The following TOP2A variants were observed in gnomAD, a reference collection of about 807,000 sequenced individuals.
The protein encoded by TOP2A is DNA topoisomerase 2-alpha.
TOP2A carries 68 observed loss-of-function variants against 187.2 expected under a neutral mutation model. That is an observed-to-expected ratio of 0.36 (90% CI 0.30 to 0.44). The LOEUF is 0.44. Ranked by LOEUF, TOP2A falls within the 20% of genes least tolerant of loss-of-function variation. The pLI, the probability that TOP2A is intolerant of heterozygous loss-of-function variation, is 1.00. For missense variants in TOP2A, 1,196 were observed against 1,808.7 expected (o/e 0.66, Z 6.14); for synonymous variants, 542 against 593.2 (o/e 0.91, Z 1.25).
Position 40,391,655 on chromosome 17 carries a change from G to A in TOP2A, c.4133-15C>T. 1 of 1,561,660 alleles carries A rather than the reference G, an allele frequency of 6.4e-7. No individual in the cohort carries two copies. The highest frequency in any genetic ancestry group is 8.6e-7 in the Non-Finnish European group (1 of 1,158,134). On this transcript the variant is annotated splice_polypyrimidine_tract_variant and intron_variant, in intron 32 of 34. Transcript: ENST00000423485. ...AGCTTCAAGGTCTATTATTTCAAAT[G>A]GAAAGGAAAATAGTACATTTAAGCA... is the stretch of plus-strand genomic sequence containing the variant.
At position 40,416,875 on chromosome 17, in the gene TOP2A, T is replaced by C. The variant is rs199750557; in HGVS notation, c.42A>G (p.Gln14=). The change falls in exon 2 of 35, where the codon CAA becomes CAG. Residue 14 remains glutamine, a synonymous_variant. Transcript: ENST00000423485. ...SPLQPVNENM[Q]VNKIKKNEDA... is the part of the protein sequence containing the mutation. ...CTTCATTTTTCTTTATTTTGTTGAC[T>C]TGCATATTTTCATTTACAGGCTAGC... 29 of 1,600,904 alleles carry C rather than the reference T, an allele frequency of 1.8e-5. No homozygotes were observed. The African/African-American group carries it at 3.5e-4, about 19-fold the overall frequency.
chr17:40,413,379 A>G, intron 5 of TOP2A, 87 bp from the exon 6 acceptor site: 1 of 1,387,812 alleles, frequency 7.2e-7, no homozygotes, highest in South Asian at 1.4e-5. Flanking sequence ...CTATTCAATT[A>G]TAGAGATTTA....
intron 28 of TOP2A, among the ~76,000 whole-genome samples, chr17:40,395,985 CTT>C (rs59214602): frequency 2.9e-4 from 42 of 142,546 alleles, no homozygotes; most frequent in African/African-American, 2.4e-4. Context: ...AGTATTACCT[CTT>C]TTTTTTTTTT....
At chr17:40,394,912 C>T (rs1218544844) in intron 29 of TOP2A, among the ~76,000 whole-genome samples, 2 of 152,098 alleles carry the variant, frequency 1.3e-5, no homozygotes, top group East Asian at 3.8e-4. Flanking sequence ...TTTCTTAGAT[C>T]CCAATTAAGG....
rs375734527 is a variant in TOP2A at position 40,415,988 on chromosome 17, C to T, written c.332+17G>A. 1.7e-5 allele frequency: 26 copies of T among 1,559,584 alleles called. No individual in the cohort carries two copies. Among genetic ancestry groups the T allele is most frequent in the Non-Finnish European group, 1.7e-6 (2 of 1,145,344 alleles). On this transcript the variant is annotated intron_variant, in intron 4 of 34. Transcript: ENST00000423485. ...ATAGCAACGAGCTACATAACAAAAA[C>T]TAAGCAAAAGACGTACGGATCAATT...
chr17:40,404,136 T>C lies in TOP2A; in HGVS notation c.2283+16A>G, dbSNP rs145305424. The C allele has an allele frequency of 1.2e-6, 2 of 1,610,532 alleles. No homozygotes were observed. Among genetic ancestry groups the C allele is most frequent in the African/African-American group, 1.3e-5 (1 of 74,862 alleles). On this transcript the variant is annotated intron_variant, in intron 19 of 34. Coordinates refer to ENST00000423485, the MANE Select transcript of TOP2A (RefSeq NM_001067.4). ...TCTGATATAATGCTTTCTGGAAACA[T>C]GGATTGTGTGTTTACCTCACCATGA...
chr17:40,389,480 G>A lies in TOP2A; in HGVS notation c.*39C>T. On this transcript the variant is annotated 3_prime_UTR_variant, in exon 35 of 35. Transcript: ENST00000423485. Reference sequence around the variant, plus strand: ...CAGGTAACTTTAAAACCAGTCTTGGGCTTGGTAAGATAATTACTTAAAATA... The same window carrying A: ...CAGGTAACTTTAAAACCAGTCTTGGACTTGGTAAGATAATTACTTAAAATA... 1 of 1,559,090 alleles carries A rather than the reference G, an allele frequency of 6.4e-7. No individual in the cohort carries two copies. The highest frequency in any genetic ancestry group is 8.7e-7 in the Non-Finnish European group (1 of 1,150,414).
At chr17:40,413,328 A>C in intron 5 of TOP2A, 36 bp from the exon 6 acceptor site, 1 of 1,505,240 alleles carries the variant, frequency 6.6e-7, no homozygotes, top group Non-Finnish European at 9.0e-7. Flanking sequence ...TTTTATTGTT[A>C]CTATCTCATT....
At chr17:40,399,321 GTCAAATCATATATGA>G in intron 24 of TOP2A, 190 bp from the exon 25 acceptor site, 1 of 460,770 alleles carries the variant, frequency 2.2e-6, no homozygotes. Context: ...CAAGGGGGCA[GTCAAATCATATATGA>G]TCAAATCATT....
chr17:40,407,426 G>T (rs2035263522), intron 13 of TOP2A, 123 bp downstream of exon 13: 1 of 749,916 alleles, frequency 1.3e-6, no homozygotes, highest in African/African-American at 1.8e-5. Flanking sequence ...ATTAGATGTT[G>T]ATTAGAGATG....
chr17:40,389,901 C>A, intron 34 of TOP2A, 64 bp downstream of exon 34: 2 of 1,478,044 alleles, frequency 1.4e-6, no homozygotes, highest in Non-Finnish European at 9.1e-7. Context: ...TTTTTAAGAG[C>A]AATGGCTTAG....
At chr17:40,392,396 C>A (rs1385221640) in intron 30 of TOP2A, 55 bp from the exon 31 acceptor site, 2 of 1,528,892 alleles carry the variant, frequency 1.3e-6, no homozygotes, top group East Asian at 4.7e-5. Flanking sequence ...AGAAACAATT[C>A]ATAGGTTGAC....
At chr17:40,397,032 A>G (rs1339842580) in intron 27 of TOP2A, among the ~76,000 whole-genome samples, 1 of 151,338 alleles carries the variant, frequency 6.6e-6, no homozygotes, top group African/African-American at 2.4e-5. Context: ...ATAGGCCCAC[A>G]CCACCATGCC....
At chr17:40,391,156 A>T (rs1182199960) in intron 33 of TOP2A, 1 of 183,616 alleles carries the variant, frequency 5.4e-6, no homozygotes, top group Non-Finnish European at 1.1e-5. Flanking sequence ...CCTGGCCTCA[A>T]GCAATCCTCT....
In TOP2A at chr17:40,416,520, T is replaced by A; in HGVS notation, c.178-8A>T. On this transcript the variant is annotated splice_region_variant and splice_polypyrimidine_tract_variant and intron_variant, in intron 2 of 34. Transcript: ENST00000423485. ...ATCGTAAACCCACATTTGCTAGAAA[T>A]AAGGCAAAGAAATACTGTTATTTTT... The A allele has an allele frequency of 1.3e-6, 2 of 1,578,588 alleles. No individual in the cohort carries two copies. Among genetic ancestry groups the A allele is most frequent in the South Asian group, 1.1e-5 (1 of 88,554 alleles).
chr17:40,392,381 G>A (rs1323141096), intron 30 of TOP2A, 40 bp from the exon 31 acceptor site: 3 of 1,559,054 alleles, frequency 1.9e-6, no homozygotes, highest in African/African-American at 1.4e-5. Flanking sequence ...AAAGAGGGTA[G>A]TAGGAGAAAC....
In TOP2A at chr17:40,411,594, A is replaced by G. The variant is rs1001887817; in HGVS notation, c.963+51T>C. 1 of 1,574,116 alleles carries G rather than the reference A, an allele frequency of 6.4e-7. No individual in the cohort carries two copies. The highest frequency in any genetic ancestry group is 1.4e-5 in the African/African-American group (1 of 73,088). ...ACTTTATATATTAAAAACAATAAGA[A>G]CACATATATGTAAAGATAAATCATG... On this transcript the variant is annotated intron_variant, in intron 8 of 34. Transcript: ENST00000423485. The surrounding 1 kb of genome is among the most constrained non-coding windows in gnomAD (Gnocchi z 4.4).
intron 10 of TOP2A, chr17:40,410,187 C>T (rs2035305303): frequency 5.5e-6 from 1 of 180,760 alleles, no homozygotes; most frequent in African/African-American, 2.4e-5. Context: ...TTGGAACCAA[C>T]TTAGGTGGGG....
At position 40,412,842 on chromosome 17, in the gene TOP2A, C is replaced by T. The variant is rs2035339748; in HGVS notation, c.706G>A (p.Val236Ile). 2 of 1,613,830 alleles carry T rather than the reference C, an allele frequency of 1.2e-6. No individual in the cohort carries two copies. The highest frequency in any genetic ancestry group is 1.7e-6 in the Non-Finnish European group (2 of 1,179,866). The change falls in exon 7 of 35, where the codon GTT (valine) becomes ATT (isoleucine). Residue 236 changes from valine (V) to isoleucine (I), a missense_variant. Around this residue, in one of 10 missense-constraint regions of TOP2A, gnomAD observed 252 missense variants for 434.8 expected, o/e 0.58. Coordinates refer to ENST00000423485, the MANE Select transcript of TOP2A (RefSeq NM_001067.4). ...TATGCTCTTCTGACCATTAGTGCAA[C>T]AATATCTTTGTCCAGGCTTTGCATT... ...FKMQSLDKDI[V>I]ALMVRRAYDI... is the part of the protein sequence containing the mutation.
Sources: gnomAD v4.1 joint callset for allele counts (sites outside exome capture counted in the v4.1 genomes callset) on GRCh38, gnomAD v4.1.1 for gene constraint, gnomAD v4.1.1 regional missense constraint, Gnocchi (gnomAD v3.1) non-coding constraint, MANE v1.5 for transcripts, NCBI Gene and HGNC (gene_info 2026-07-23, HGNC 2026-07-21) for gene names.